Variants in RYR3 observed in about 807,000 individuals in gnomAD.
RYR3 encodes ryanodine receptor 3, also known as brain ryanodine receptor-calcium release channel.
RYR3 carries 207 observed loss-of-function variants against 584.3 expected under a neutral mutation model. That is an observed-to-expected ratio of 0.35 (90% CI 0.32 to 0.40). RYR3 has a LOEUF of 0.40. RYR3 is among the 10% of genes least tolerant of loss of function. The pLI is 1.00. For missense variants in RYR3, 5,616 were observed against 6,089.2 expected (o/e 0.92, Z 2.59); for synonymous variants, 2,416 against 2,248.5 (o/e 1.07, Z -2.11).
intron 12 of RYR3, among the ~76,000 whole-genome samples, chr15:33,577,981 T>C (rs1349679439): frequency 6.6e-6 from 1 of 152,142 alleles, no homozygotes; most frequent in African/African-American, 2.4e-5. Context: ...AAAGAAGACA[T>C]TTATGTGGCC....
Position 33,865,236 on chromosome 15 carries a change from A to C in RYR3, c.*10A>C. The C allele has an allele frequency of 6.3e-7, 1 of 1,591,602 alleles. No homozygotes were observed. The highest frequency in any genetic ancestry group is 2.3e-5 in the East Asian group (1 of 42,590). On this transcript the variant is annotated 3_prime_UTR_variant, in exon 104 of 104. Transcript: ENST00000634891. ...AGATCAGCTTGGATAAATCTGAATC[A>C]AAGAAGCGCGACAATTCTGGACAGT...
At chr15:33,386,986 T>G (rs932602900) in intron 1 of RYR3, among the ~76,000 whole-genome samples, 16 of 151,748 alleles carry the variant, frequency 1.1e-4, no homozygotes, top group Non-Finnish European at 1.9e-4. Context: ...GCCTCCTGAG[T>G]AGCTGGGACT....
chr15:33,554,199 T>C (rs557779447), intron 10 of RYR3, among the ~76,000 whole-genome samples: 79 of 152,104 alleles, frequency 5.2e-4, no homozygotes, highest in Non-Finnish European at 1.1e-3. Context: ...GAACGTCTTG[T>C]AGTAAGTTTG....
chr15:33,819,748 C>G lies in RYR3; in HGVS notation c.10707-8C>G. The G allele has an allele frequency of 1.3e-6, 2 of 1,505,336 alleles. No individual in the cohort carries two copies. The highest frequency in any genetic ancestry group is 8.9e-7 in the Non-Finnish European group (1 of 1,118,598). 93.2% of individuals were successfully genotyped at this position (1,505,336 alleles called of 1,614,324 possible). A position where few individuals can be genotyped will look rare whatever the true frequency, so the allele number is the denominator to read the frequency against. On this transcript the variant is annotated splice_polypyrimidine_tract_variant and splice_region_variant and intron_variant, in intron 76 of 103. Coordinates refer to ENST00000634891, the MANE Select transcript of RYR3 (RefSeq NM_001036.6). ...AAGCCTGCTAAATATTTCCTCCATT[C>G]TTTCCAGCAAATTGGAAGACGACCC...
intron 20 of RYR3, among the ~76,000 whole-genome samples, chr15:33,626,155 A>G (rs145362241): frequency 5.6e-4 from 86 of 152,320 alleles, no homozygotes; most frequent in African/African-American, 1.9e-3. Flanking sequence ...TTTCTAGAAG[A>G]TGCTGGCCTC....
Position 33,719,875 on chromosome 15 carries a change from C to CT in RYR3, c.6620-2835dup, listed in dbSNP as rs571502824. ...GTCTTTCAACCTCTCCTTGGTTTCTCTTTTTCCAGAATATGTTGATTCCTT... is the reference window on the plus strand; with the variant it reads ...GTCTTTCAACCTCTCCTTGGTTTCTCTTTTTTCCAGAATATGTTGATTCCTT... On this transcript the variant is annotated intron_variant, in intron 43 of 103. Coordinates refer to ENST00000634891, the MANE Select transcript of RYR3 (RefSeq NM_001036.6). 1.5e-3 allele frequency among the ~76,000 whole-genome samples: 229 copies of CT among 152,290 alleles called. 1 individual carries two copies. The highest frequency in any genetic ancestry group is 5.3e-3 in the African/African-American group (222 of 41,562).
intron 1 of RYR3, among the ~76,000 whole-genome samples, chr15:33,437,943 G>C (rs1032659473): frequency 6.6e-6 from 1 of 152,036 alleles, no homozygotes; most frequent in East Asian, 1.9e-4. Flanking sequence ...GGCTGGCCTT[G>C]AACTCCTGGC....
chr15:33,696,868 T>C (rs779398377), intron 39 of RYR3, among the ~76,000 whole-genome samples: 5 of 152,220 alleles, frequency 3.3e-5, no homozygotes, highest in Non-Finnish European at 7.3e-5. Context: ...AATTGCCACC[T>C]GATCTCTCCC....
intron 73 of RYR3, 113 bp from the exon 74 acceptor site, chr15:33,813,354 A>T: frequency 1.1e-6 from 1 of 876,556 alleles, no homozygotes; most frequent in Non-Finnish European, 1.9e-6. Context: ...TTTGCTAACT[A>T]CAGTTGAGAA....
chr15:33,370,801 G>A (rs2040275735), intron 1 of RYR3, among the ~76,000 whole-genome samples: 1 of 152,088 alleles, frequency 6.6e-6, no homozygotes, highest in South Asian at 2.1e-4. Flanking sequence ...TAGGCAAGCA[G>A]GGAAGACAGA....
At chr15:33,657,636 T>C (rs989515550) in intron 32 of RYR3, among the ~76,000 whole-genome samples, 4 of 152,236 alleles carry the variant, frequency 2.6e-5, no homozygotes, top group African/African-American at 9.6e-5. Flanking sequence ...AAGTATATAA[T>C]AGGTACTACA....
rs1322417576 is a variant in RYR3, at chr15:33,314,946, A to C, written c.51+3850A>C. Among the ~76,000 whole-genome samples the C allele has an allele frequency of 2.6e-3, 392 of 152,116 alleles. 4 individuals are homozygous for C. The highest frequency in any genetic ancestry group is 0.014 in the South Asian group (67 of 4,818). ...ACAAACAACAAAAAAAAAAACCAAA[A>C]AAAAACAACAACAACAAAAAACGGA... is the stretch of plus-strand genomic sequence containing the variant. On this transcript the variant is annotated intron_variant, in intron 1 of 103. Transcript: ENST00000634891.
chr15:33,346,112 A>G (rs1972429799), intron 1 of RYR3, among the ~76,000 whole-genome samples: 1 of 152,232 alleles, frequency 6.6e-6, no homozygotes, highest in African/African-American at 2.4e-5. Context: ...ATAATACTAT[A>G]CCAACTTCCA....
chr15:33,611,498 T>C (rs899827604), intron 18 of RYR3, among the ~76,000 whole-genome samples: 4 of 151,558 alleles, frequency 2.6e-5, no homozygotes, highest in South Asian at 2.1e-4. Context: ...GGAGCTTGCA[T>C]TGAGCCCAGA....
At chr15:33,558,547 G>A (rs1191081110) in intron 10 of RYR3, among the ~76,000 whole-genome samples, 5 of 151,990 alleles carry the variant, frequency 3.3e-5, no homozygotes, top group Non-Finnish European at 1.5e-5. Flanking sequence ...GAGTAGTGCC[G>A]CAATAAACAT....
intron 19 of RYR3, among the ~76,000 whole-genome samples, chr15:33,622,748 C>T (rs1343839374): frequency 6.6e-6 from 1 of 152,156 alleles, no homozygotes; most frequent in Non-Finnish European, 1.5e-5. Context: ...CTCCATATCT[C>T]GCCATGTTTT....
chr15:33,712,847 G>T (rs2067220091), intron 43 of RYR3, among the ~76,000 whole-genome samples: 1 of 152,102 alleles, frequency 6.6e-6, no homozygotes, highest in South Asian at 2.1e-4. Context: ...TAACCTCAGT[G>T]CTTTTTTATG....
At chr15:33,411,544 G>C (rs960123330) in intron 1 of RYR3, among the ~76,000 whole-genome samples, 1 of 152,158 alleles carries the variant, frequency 6.6e-6, no homozygotes, top group Non-Finnish European at 1.5e-5. Flanking sequence ...TGTTCCTTGG[G>C]CATGTGCTAT....
chr15:33,581,824 C>G (rs2152516591), intron 14 of RYR3, among the ~76,000 whole-genome samples, 181 bp downstream of exon 14: 1 of 152,258 alleles, frequency 6.6e-6, no homozygotes, highest in South Asian at 2.1e-4. Context: ...TAGTAGCAGC[C>G]AGTGGAAGCA....
Sources: gnomAD v4.1 joint callset for allele counts (sites outside exome capture counted in the v4.1 genomes callset) on GRCh38, gnomAD v4.1.1 for gene constraint, MANE v1.5 for transcripts, NCBI Gene and HGNC (gene_info 2026-07-23, HGNC 2026-07-21) for gene names.